The following KIF26A variants were observed in gnomAD, a reference collection of about 807,000 sequenced individuals.
KIF26A encodes kinesin family member 26A.
Under a neutral mutation model 126.0 loss-of-function variants are expected in KIF26A, and 74 were observed. That is an observed-to-expected ratio of 0.59 (90% CI 0.49 to 0.71). KIF26A has a LOEUF of 0.71. KIF26A is among the 30% of genes least tolerant of loss of function. The pLI, the probability that KIF26A is intolerant of heterozygous loss-of-function variation, is 0.00. For synonymous variants in KIF26A, 1,445 were observed against 1,232.7 expected (o/e 1.17, Z -3.61); for missense variants, 2,984 against 2,763.3 (o/e 1.08, Z -1.79).
In KIF26A at chr14:104,177,879, C is replaced by T. The variant is rs747333951; in HGVS notation, c.5091C>T (p.Ser1697=). ...GCGCCCGCACCCGCAGCCTCAAGTCCCCCAAGAAGAGGGCCACAGGTGGGT... is the reference window on the plus strand; with the variant it reads ...GCGCCCGCACCCGCAGCCTCAAGTCTCCCAAGAAGAGGGCCACAGGTGGGT... ...SPGARTRSLK[S]PKKRATGLQR... Residue 1697 remains serine (S), a synonymous_variant, in exon 12 of 15, where the codon TCC becomes TCT. Coordinates refer to ENST00000423312, the MANE Select transcript of KIF26A (RefSeq NM_015656.2). The T allele has an allele frequency of 1.0e-5, 16 of 1,543,458 alleles. No individual in the cohort carries two copies. In the South Asian group the frequency reaches 1.7e-4, roughly 16 times the overall value.
chr14:104,154,178 C>T lies in KIF26A; in HGVS notation c.735+1717C>T, dbSNP rs192718537. Among the ~76,000 whole-genome samples the T allele has an allele frequency of 1.9e-3, 292 of 152,250 alleles. 4 individuals carry two copies. The highest frequency in any genetic ancestry group is 1.9e-3 in the East Asian group (10 of 5,170). On this transcript the variant is annotated intron_variant, in intron 3 of 14. Transcript: ENST00000423312. ...GGAGAGATGCGCTGCAAATCTCCAC[C>T]ACAGACCGTCAACCACCCCTGGGTC...
chr14:104,175,956 C>A lies in KIF26A; in HGVS notation c.3168C>A (p.Ser1056Arg), dbSNP rs1364555921. 6.4e-7 allele frequency: 1 copy of A among 1,568,280 alleles called. No individual in the cohort carries two copies. The highest frequency in any genetic ancestry group is 1.8e-5 in the Admixed American group (1 of 55,360). ...AGAGRPTSLA[S>R]FDSDCSLRAL... Reference sequence around the variant, plus strand: ...CTGGGCGGCCCACCAGCCTGGCTAGCTTCGACAGTGACTGCTCCCTGCGGG... The same window carrying A: ...CTGGGCGGCCCACCAGCCTGGCTAGATTCGACAGTGACTGCTCCCTGCGGG... Residue 1056 changes from serine (S) to arginine (R), a missense_variant, in exon 12 of 15, where the codon AGC (serine) becomes AGA (arginine). Coordinates refer to ENST00000423312, the MANE Select transcript of KIF26A (RefSeq NM_015656.2).
intron 4 of KIF26A, among the ~76,000 whole-genome samples, chr14:104,163,585 C>A (rs1374382306): frequency 3.3e-5 from 5 of 150,012 alleles, no homozygotes; most frequent in Non-Finnish European, 7.4e-5. Context: ...CCCCACGATG[C>A]AGGTGCCATT....
At chr14:104,154,160 T>C (rs1350753370) in intron 3 of KIF26A, among the ~76,000 whole-genome samples, 2 of 152,166 alleles carry the variant, frequency 1.3e-5, no homozygotes, top group African/African-American at 4.8e-5. Flanking sequence ...TGTGGAGAGA[T>C]GCGCTGCAAA....
chr14:104,142,840 A>G (rs2037649119), intron 2 of KIF26A, among the ~76,000 whole-genome samples: 1 of 152,120 alleles, frequency 6.6e-6, no homozygotes, highest in Admixed American at 6.5e-5. Flanking sequence ...GAATGACTGA[A>G]TGACCAGGCT....
rs1736728495 is a variant in KIF26A at position 104,138,764 on chromosome 14, G to T, written c.42G>T (p.Ala14=). 2.4e-6 allele frequency: 3 copies of T among 1,257,788 alleles called. No homozygotes were observed. Among genetic ancestry groups the T allele is most frequent in the Admixed American group, 4.2e-5 (1 of 23,616 alleles). 77.9% of individuals were successfully genotyped at this position (1,257,788 alleles called of 1,614,324 possible). The change falls in exon 1 of 15, where the codon GCG becomes GCT. Residue 14 remains alanine (A), a splice_region_variant and synonymous_variant. Coordinates refer to ENST00000423312, the MANE Select transcript of KIF26A (RefSeq NM_015656.2). ...TCCCTCTGTGCGCTGCGCAGCCCGCGGTACGCGCGGCCCGGCCTGGAGAGG... is the reference window on the plus strand; with the variant it reads ...TCCCTCTGTGCGCTGCGCAGCCCGCTGTACGCGCGGCCCGGCCTGGAGAGG... The part of the protein sequence containing the change: ...RGVPLCAAQP[A]VAEGGPAREP...
chr14:104,178,205 T>TGGGGC (rs1313375410), intron 12 of KIF26A, among the ~76,000 whole-genome samples: 2 of 152,140 alleles, frequency 1.3e-5, no homozygotes, highest in Non-Finnish European at 2.9e-5. Flanking sequence ...GTCGCCAGGC[T>TGGGGC]GGGGCACTGG....
At chr14:104,144,262 A>G (rs1426347862) in intron 2 of KIF26A, among the ~76,000 whole-genome samples, 3 of 152,200 alleles carry the variant, frequency 2.0e-5, no homozygotes, top group African/African-American at 7.2e-5. Flanking sequence ...AACACCAGCC[A>G]GAAGCAGAGA....
At chr14:104,150,862 C>T (rs2037722965) in intron 2 of KIF26A, among the ~76,000 whole-genome samples, 1 of 152,172 alleles carries the variant, frequency 6.6e-6, no homozygotes, top group South Asian at 2.1e-4. Context: ...TGGTCACAGC[C>T]ACAGCAGCGC....
At chr14:104,149,243 C>T (rs1203184447) in intron 2 of KIF26A, among the ~76,000 whole-genome samples, 2 of 152,186 alleles carry the variant, frequency 1.3e-5, no homozygotes, top group African/African-American at 2.4e-5. Flanking sequence ...TCAGTGCCCC[C>T]CATGGAGCCT....
chr14:104,147,042 C>G (rs560793956), intron 2 of KIF26A, among the ~76,000 whole-genome samples: 7 of 152,104 alleles, frequency 4.6e-5, no homozygotes, highest in African/African-American at 1.7e-4. Context: ...TGATTTGAAA[C>G]CGAGTCCACG....
At chr14:104,141,922 C>T (rs572964086) in intron 2 of KIF26A, among the ~76,000 whole-genome samples, 5 of 152,208 alleles carry the variant, frequency 3.3e-5, no homozygotes, top group East Asian at 3.8e-4. Flanking sequence ...TGCATAGGTA[C>T]GTAGAGCAGT....
chr14:104,150,211 C>G (rs1185773261), intron 2 of KIF26A, among the ~76,000 whole-genome samples: 2 of 132,098 alleles, frequency 1.5e-5, no homozygotes, highest in Non-Finnish European at 3.4e-5. Context: ...CCACCCCCTC[C>G]TCCTCCTCCT....
At chr14:104,179,169 C>T (rs2038071800) in intron 13 of KIF26A, 67 bp from the exon 14 acceptor site, 2 of 1,401,146 alleles carry the variant, frequency 1.4e-6, no homozygotes, top group South Asian at 3.1e-5. Flanking sequence ...GGGGCCACAT[C>T]AGGGCTGCTT....
In KIF26A at chr14:104,152,532, T is replaced by A; in HGVS notation, c.735+71T>A. The A allele has an allele frequency of 7.1e-7, 1 of 1,405,146 alleles. No individual in the cohort carries two copies. The highest frequency in any genetic ancestry group is 2.5e-5 in the East Asian group (1 of 40,076). 87.0% of individuals were successfully genotyped at this position (1,405,146 alleles called of 1,614,324 possible). A position where few individuals can be genotyped will look rare whatever the true frequency, so the allele number is the denominator to read the frequency against. ...GAACTGGGCTTCCTTCGGGGGTCTC[T>A]GTCCACGTTGAGTGCCCTGCAGTAA... On this transcript the variant is annotated intron_variant, in intron 3 of 14. Coordinates refer to ENST00000423312, the MANE Select transcript of KIF26A (RefSeq NM_015656.2). This position sits in a 1 kb window ranked among gnomAD's most constrained non-coding sequence, Gnocchi z 5.9.
intron 2 of KIF26A, among the ~76,000 whole-genome samples, chr14:104,142,856 T>A (rs576915235): frequency 6.6e-6 from 1 of 152,298 alleles, no homozygotes; most frequent in East Asian, 1.9e-4. Flanking sequence ...AGGCTTTTCC[T>A]CCCACACCCC....
rs2141092059 is a variant in KIF26A, at chr14:104,148,149, G to C, written c.289-3866G>C. Among the ~76,000 whole-genome samples the C allele has an allele frequency of 6.6e-6, 1 of 152,234 alleles. No homozygotes were observed. Among genetic ancestry groups the C allele is most frequent in the African/African-American group, 2.4e-5 (1 of 41,530 alleles). ...CGGGGAGTCCCCGGTAAAGTCCCCC[G>C]GGCCTCACACGCAGGAGAAAATGGA... On this transcript the variant is annotated intron_variant, in intron 2 of 14. Coordinates refer to ENST00000423312, the MANE Select transcript of KIF26A (RefSeq NM_015656.2). This position sits in a 1 kb window ranked among gnomAD's most constrained non-coding sequence, Gnocchi z 4.3.
chr14:104,157,763 A>AGCGGTGGCGGCCGTG lies in KIF26A; in HGVS notation c.753_767dup (p.Ala252_Ala256dup). ...TCTCTCCTTCCCTCCAGGCCGAGGC[A>AGCGGTGGCGGCCGTG]GCGGTGGCGGCCGTGGCGGTGGCAG... On this transcript the variant is annotated inframe_insertion, in exon 4 of 15. Transcript: ENST00000423312. The AGCGGTGGCGGCCGTG allele has an allele frequency of 6.2e-7, 1 of 1,610,812 alleles. No homozygotes were observed. The highest frequency in any genetic ancestry group is 8.5e-7 in the Non-Finnish European group (1 of 1,179,090).
chr14:104,139,356 C>G, intron 2 of KIF26A, 68 bp downstream of exon 2: 1 of 1,371,402 alleles, frequency 7.3e-7, no homozygotes, highest in Non-Finnish European at 9.5e-7. Context: ...GAACTTGGGG[C>G]TTGGAGGGAA....
Sources: allele counts gnomAD v4.1 joint callset (sites outside exome capture counted in the v4.1 genomes callset), GRCh38; gene constraint gnomAD v4.1.1; non-coding constraint Gnocchi (gnomAD v3.1); transcripts MANE v1.5; gene names NCBI Gene and HGNC (gene_info 2026-07-23, HGNC 2026-07-21).